The following FTO variants were observed in gnomAD, a reference collection of about 807,000 sequenced individuals.
FTO encodes the protein alpha-ketoglutarate-dependent dioxygenase FTO.
Under a neutral mutation model 63.9 loss-of-function variants are expected in FTO, and 47 were observed. The observed-to-expected ratio is 0.74, with a 90% CI of 0.58 to 0.94. FTO has a LOEUF of 0.94. FTO is among the 40% of genes least tolerant of loss of function. The probability of loss-of-function intolerance (pLI) is 0.00; values close to 1 mark genes in which losing one functional copy is unlikely to be tolerated. For missense variants in FTO, 562 were observed against 618.1 expected, an observed-to-expected ratio of 0.91 and a Z score of 0.96; for synonymous variants, 207 against 224.4, an observed-to-expected ratio of 0.92 and a Z score of 0.69.
intron 1 of FTO, among the ~76,000 whole-genome samples, chr16:53,752,592 A>G (rs529553998): frequency 6.6e-6 from 1 of 152,340 alleles, no homozygotes; most frequent in South Asian, 2.1e-4. Flanking sequence ...TCAGCAATCA[A>G]TCTTGCATAT....
At chr16:53,953,374 A>G (rs1312927043) in intron 8 of FTO, among the ~76,000 whole-genome samples, 3 of 152,218 alleles carry the variant, frequency 2.0e-5, no homozygotes, top group Admixed American at 6.5e-5. Flanking sequence ...CAGAAAGCTG[A>G]TATTTGGAGC....
In FTO at chr16:54,114,021, T is replaced by A. The variant is rs1486657044; in HGVS notation, c.*2106T>A. The A allele has an allele frequency of 1.3e-5, 2 of 152,154 alleles. No homozygotes were observed. The highest frequency in any genetic ancestry group is 4.8e-5 in the African/African-American group (2 of 41,434). 9.4% of individuals were successfully genotyped at this position (152,154 alleles called of 1,614,324 possible). ...TGGGGTTTCACCACATTGGCCAGGATGGTCTCGATCTCAACCTCGTGATCC... is the reference window on the plus strand; with the variant it reads ...TGGGGTTTCACCACATTGGCCAGGAAGGTCTCGATCTCAACCTCGTGATCC... On this transcript the variant is annotated 3_prime_UTR_variant, in exon 9 of 9. Coordinates refer to ENST00000471389, the MANE Select transcript of FTO (RefSeq NM_001080432.3).
At chr16:54,004,980 G>A (rs1023059976) in intron 8 of FTO, among the ~76,000 whole-genome samples, 1 of 150,224 alleles carries the variant, frequency 6.7e-6, no homozygotes, top group Non-Finnish European at 1.5e-5. Flanking sequence ...TGAGGCAGGA[G>A]AATGGTGTGA....
chr16:53,733,700 T>A (rs139492436), intron 1 of FTO, among the ~76,000 whole-genome samples: 33 of 152,292 alleles, frequency 2.2e-4, no homozygotes, highest in African/African-American at 7.7e-4. Flanking sequence ...TATACAGAGA[T>A]AACATTAAAA....
intron 3 of FTO, among the ~76,000 whole-genome samples, chr16:53,841,441 G>C (rs2079474137): frequency 6.6e-6 from 1 of 152,150 alleles, no homozygotes; most frequent in Admixed American, 6.5e-5. Context: ...AAAAAGGTAA[G>C]ATACTGTTAA....
At chr16:54,086,089 TAAAGTG>T (rs2086249689) in intron 8 of FTO, among the ~76,000 whole-genome samples, 1 of 152,174 alleles carries the variant, frequency 6.6e-6, no homozygotes, top group African/African-American at 2.4e-5. Context: ...AGATTTTTTT[TAAAGTG>T]GAAAACAAAT....
chr16:53,864,577 C>A (rs778292035), intron 4 of FTO, among the ~76,000 whole-genome samples: 1 of 152,162 alleles, frequency 6.6e-6, no homozygotes. Flanking sequence ...CAGCATTCAG[C>A]CAGCAAAGAG....
chr16:53,817,658 T>C (rs142289124), intron 2 of FTO, among the ~76,000 whole-genome samples: 2 of 152,302 alleles, frequency 1.3e-5, no homozygotes, highest in East Asian at 3.9e-4. Context: ...CTTACTTGTT[T>C]AAAAACCATA....
intron 1 of FTO, among the ~76,000 whole-genome samples, chr16:53,777,085 C>A (rs1373591429): frequency 2.0e-5 from 3 of 152,128 alleles, no homozygotes; most frequent in African/African-American, 7.2e-5. Flanking sequence ...TACTTAAAAT[C>A]TACTATTTTA....
intron 1 of FTO, among the ~76,000 whole-genome samples, chr16:53,739,924 T>A (rs1031642424): frequency 2.6e-5 from 4 of 152,136 alleles, no homozygotes; most frequent in African/African-American, 9.7e-5. Flanking sequence ...AAGTTTGATC[T>A]CCCAAGGAGC....
chr16:54,029,644 A>G (rs948046184), intron 8 of FTO, among the ~76,000 whole-genome samples: 1 of 152,190 alleles, frequency 6.6e-6, no homozygotes, highest in African/African-American at 2.4e-5. Flanking sequence ...TTATTTATGT[A>G]CAACTCTGTT....
chr16:53,925,156 T>A (rs1276979451), intron 7 of FTO, among the ~76,000 whole-genome samples: 1 of 151,982 alleles, frequency 6.6e-6, no homozygotes, highest in African/African-American at 2.4e-5. Context: ...TGACAGCCTG[T>A]GGCAATGTTG....
chr16:53,882,418 T>TAG lies in FTO; in HGVS notation c.1119+2436_1119+2437dup, dbSNP rs2080863909. On this transcript the variant is annotated intron_variant, in intron 6 of 8. Transcript: ENST00000471389. ...GCAAGATGATAGAAATTGAGAGAAC[T>TAG]AGAGAGCCTCCCTGTTGAAAAGATG... Among the ~76,000 whole-genome samples, 18 of 149,878 alleles carry TAG rather than the reference T, an allele frequency of 1.2e-4. No individual in the cohort carries two copies. The South Asian group carries it at 3.6e-3, about 30-fold the overall frequency.
At position 53,964,475 on chromosome 16, in the gene FTO, A is replaced by G. The variant is rs1435672357; in HGVS notation, c.1364+30366A>G. ...CTTTTTTCATTTGTTGTTCATGTAA[A>G]TTGCTGGTGAGAGAGATGTTCTCTC... is the stretch of plus-strand genomic sequence containing the variant. On this transcript the variant is annotated intron_variant, in intron 8 of 8. Transcript: ENST00000471389. Among the ~76,000 whole-genome samples, 5 of 152,194 alleles carry G rather than the reference A, an allele frequency of 3.3e-5. No individual in the cohort carries two copies. In the South Asian group the frequency reaches 1.0e-3, roughly 32 times the overall value.
intron 8 of FTO, among the ~76,000 whole-genome samples, chr16:53,970,609 A>C (rs1462380785): frequency 6.7e-6 from 1 of 150,200 alleles, no homozygotes; most frequent in Non-Finnish European, 1.5e-5. Flanking sequence ...AAAAAAAAAG[A>C]AAAGAAAAAA....
In FTO at chr16:53,826,469, A is replaced by C; in HGVS notation, c.729A>C (p.Ala243=). 2 of 1,614,178 alleles carry C rather than the reference A, an allele frequency of 1.2e-6. No individual in the cohort carries two copies. Among genetic ancestry groups the C allele is most frequent in the Non-Finnish European group, 1.7e-6 (2 of 1,180,030 alleles). The change falls in exon 3 of 9, where the codon GCA becomes GCC. Residue 243 remains alanine (A), a synonymous_variant. Transcript: ENST00000471389. The stretch of plus-strand genomic sequence containing the variant: ...ATCTGGTGGACAGGTCAGCGGTGGC[A>C]GTGTACAGTTATAGCTGTGAAGGTA... ...DENLVDRSAV[A]VYSYSCEGPE...
chr16:53,918,567 C>A (rs1432862633), intron 7 of FTO, among the ~76,000 whole-genome samples: 1 of 152,158 alleles, frequency 6.6e-6, no homozygotes, highest in East Asian at 1.9e-4. Context: ...AGGCAAGGAA[C>A]AGGACATTCT....
In FTO at chr16:54,113,811, C is replaced by CT. The variant is rs532852190; in HGVS notation, c.*1911dup. 0.03 allele frequency: 3,938 copies of CT among 132,608 alleles called. 138 individuals carry two copies. The highest frequency in any genetic ancestry group is 0.11 in the South Asian group (474 of 4,200). 8.2% of individuals were successfully genotyped at this position (132,608 alleles called of 1,614,324 possible). On this transcript the variant is annotated 3_prime_UTR_variant, in exon 9 of 9. Transcript: ENST00000471389. ...AGGTCTGCATTTTCTTTTTTCTTTT[C>CT]TTTTTTTTTTTTTTTGAGACACAGT...
chr16:53,978,496 T>G (rs1395079305), intron 8 of FTO, among the ~76,000 whole-genome samples: 1 of 152,258 alleles, frequency 6.6e-6, no homozygotes, highest in African/African-American at 2.4e-5. Context: ...TTTTAGGTTT[T>G]GTAAATTACG....
Sources: gnomAD v4.1 joint callset for allele counts (sites outside exome capture counted in the v4.1 genomes callset) on GRCh38, gnomAD v4.1.1 for gene constraint, MANE v1.5 for transcripts, NCBI Gene and HGNC (gene_info 2026-07-23, HGNC 2026-07-21) for gene names.